The following SRRM2 variants were observed in gnomAD, a reference collection of about 807,000 sequenced individuals.
SRRM2 encodes the protein serine/arginine repetitive matrix protein 2.
In SRRM2, 30 loss-of-function variants were observed where a neutral mutation model predicts 213.8. That is an observed-to-expected ratio of 0.14 (90% CI 0.10 to 0.19). SRRM2 has a LOEUF of 0.19. SRRM2 is among the 10% of genes least tolerant of loss of function. SRRM2 has a pLI of 1.00. For synonymous variants in SRRM2, 2,025 were observed against 1,377.7 expected (o/e 1.47, Z -10.40); for missense variants, 4,904 against 3,647.0 (o/e 1.34, Z -8.88).
chr16:2,758,391 T>C (rs1301589777), intron 4 of SRRM2, 79 bp from the exon 5 acceptor site: 7 of 1,275,356 alleles, frequency 5.5e-6, no homozygotes, highest in African/African-American at 4.5e-5. Context: ...ATTACTATTT[T>C]TTTAGACTCT....
chr16:2,765,766 C>T lies in SRRM2; in HGVS notation c.5238C>T (p.Arg1746=), dbSNP rs538882010. The T allele has an allele frequency of 8.1e-6, 13 of 1,614,134 alleles. No individual in the cohort carries two copies. The African/African-American group carries it at 1.1e-4, about 13-fold the overall frequency. The change falls in exon 11 of 15, where the codon CGC becomes CGT. Residue 1746 remains arginine (R), a synonymous_variant. Transcript: ENST00000301740. ...AEKSRSSRRR[R]SASSPRTKTT... ...AATCGAGGTCTTCACGCCGACGGCG[C>T]TCAGCTTCATCTCCACGCACTAAGA...
chr16:2,759,637 C>T lies in SRRM2; in HGVS notation c.809C>T (p.Ser270Phe), dbSNP rs761463981. 6.2e-7 allele frequency: 1 copy of T among 1,614,044 alleles called. No individual in the cohort carries two copies. Among genetic ancestry groups the T allele is most frequent in the Admixed American group, 1.7e-5 (1 of 60,026 alleles). The change falls in exon 9 of 15, where the codon TCC becomes TTC. Residue 270 changes from serine (S) to phenylalanine (F), a missense_variant. By Grantham distance (155) the Ser-to-Phe change is radical. Coordinates refer to ENST00000301740, the MANE Select transcript of SRRM2 (RefSeq NM_016333.4). ...CGTTCAACTTCTGCTGACTCTGCTT[C>T]CTCCTCCGATACTTCCCGCAGTCGG... ...AHRSTSADSA[S>F]SSDTSRSRSR...
chr16:2,767,416 C>G lies in SRRM2; in HGVS notation c.6888C>G (p.Asn2296Lys), dbSNP rs1419297425. 2.5e-6 allele frequency: 4 copies of G among 1,613,966 alleles called. No homozygotes were observed. The African/African-American group carries it at 5.3e-5, about 22-fold the overall frequency. The change falls in exon 11 of 15, where the codon AAC becomes AAG. Residue 2296 changes from asparagine to lysine, a missense_variant. Asn to Lys is a moderately conservative substitution (Grantham distance 94). Transcript: ENST00000301740. ...DPRTPTAPAV[N>K]LAGARTPAAL... is the part of the protein sequence containing the mutation. ...GCACTCCCACAGCCCCAGCTGTGAA[C>G]CTAGCAGGGGCCAGAACCCCAGCTG...
chr16:2,769,191 C>T lies in SRRM2; in HGVS notation c.7928C>T (p.Ser2643Phe), dbSNP rs1172938627. 4 of 1,610,032 alleles carry T rather than the reference C, an allele frequency of 2.5e-6. No individual in the cohort carries two copies. Among genetic ancestry groups the T allele is most frequent in the East Asian group, 4.5e-5 (2 of 44,876 alleles). ...TCTTCTTCCTCCTCATCTTCCTCCT[C>T]CTCGTCGTCTTCCTCCCCTTCCCCT... is the stretch of plus-strand genomic sequence containing the variant. The part of the protein sequence containing the change: ...SSSSSSSSSS[S>F]SSSSSPSPAK... The change falls in exon 12 of 15, where the codon TCC becomes TTC. Residue 2643 changes from serine (S) to phenylalanine (F), a missense_variant. Coordinates refer to ENST00000301740, the MANE Select transcript of SRRM2 (RefSeq NM_016333.4).
At chr16:2,770,026 T>C (rs1360864691) in intron 12 of SRRM2, 2 of 731,450 alleles carry the variant, frequency 2.7e-6, no homozygotes, top group Non-Finnish European at 4.1e-6. Flanking sequence ...CCTTGCCCCA[T>C]GTCCCCCTCC....
rs759703321 is a variant in SRRM2 at position 2,764,029 on chromosome 16, A to T, written c.3501A>T (p.Lys1167Asn). The T allele has an allele frequency of 6.2e-7, 1 of 1,614,162 alleles. No individual in the cohort carries two copies. The highest frequency in any genetic ancestry group is 2.2e-5 in the East Asian group (1 of 44,886). ...TGGAGACTGCTGAATCAAAAGAGAA[A>T]ATGGCCTTACCCCCTCAGGAGGATG... Reference protein sequence around the residue: ...SRLETAESKEKMALPPQEDAT... With the variant: ...SRLETAESKENMALPPQEDAT... The change falls in exon 11 of 15, where the codon AAA becomes AAT. Residue 1167 changes from lysine (K) to asparagine (N), a missense_variant. Coordinates refer to ENST00000301740, the MANE Select transcript of SRRM2 (RefSeq NM_016333.4).
chr16:2,754,808 G>T (rs987257662), intron 1 of SRRM2, among the ~76,000 whole-genome samples: 3 of 152,124 alleles, frequency 2.0e-5, no homozygotes, highest in Non-Finnish European at 2.9e-5. Context: ...TAGAGAAATT[G>T]ATTTTTTGAG....
chr16:2,753,035 C>CA (rs1249474273), intron 1 of SRRM2, among the ~76,000 whole-genome samples, 189 bp downstream of exon 1: 3 of 24,366 alleles, frequency 1.2e-4, no homozygotes, highest in Admixed American at 7.4e-4. Context: ...GCGCGGGCTT[C>CA]ACCCCCCCCC....
At chr16:2,754,550 A>G (rs1329932759) in intron 1 of SRRM2, among the ~76,000 whole-genome samples, 1 of 152,142 alleles carries the variant, frequency 6.6e-6, no homozygotes, top group Non-Finnish European at 1.5e-5. Flanking sequence ...TCGGCCTCCC[A>G]AAGTGCAGGT....
rs1425419676 is a variant in SRRM2 at position 2,768,104 on chromosome 16, C to T, written c.7576C>T (p.Pro2526Ser). 6.2e-7 allele frequency: 1 copy of T among 1,614,174 alleles called. No individual in the cohort carries two copies. Among genetic ancestry groups the T allele is most frequent in the Non-Finnish European group, 8.5e-7 (1 of 1,180,016 alleles). The change falls in exon 11 of 15, where the codon CCA (proline) becomes TCA (serine). Residue 2526 changes from proline to serine, a missense_variant. Transcript: ENST00000301740. ...GCCTTCTGCATTAGCCGCCCTGCAG[C>T]CAGCAAAGGAGCGGCGGAGTTCCTC... ...QQPSALAALQ[P>S]AKERRSSSSS...
In SRRM2 at chr16:2,765,306, C is replaced by T. The variant is rs773299142; in HGVS notation, c.4778C>T (p.Pro1593Leu). The change falls in exon 11 of 15, where the codon CCT (proline) becomes CTT (leucine). Residue 1593 changes from proline (P) to leucine (L), a missense_variant. Coordinates refer to ENST00000301740, the MANE Select transcript of SRRM2 (RefSeq NM_016333.4). ...GTTGACAGCAAATCTCGACTATCCCCTCGGCGCAGTAGGTCTGGTTCCTCC... is the reference window on the plus strand; with the variant it reads ...GTTGACAGCAAATCTCGACTATCCCTTCGGCGCAGTAGGTCTGGTTCCTCC... ...PEVDSKSRLS[P>L]RRSRSGSSPE... is the part of the protein sequence containing the mutation. 2.5e-5 allele frequency: 40 copies of T among 1,614,172 alleles called. No homozygotes were observed. The highest frequency in any genetic ancestry group is 3.3e-5 in the Non-Finnish European group (39 of 1,180,030).
rs146025030 is a variant in SRRM2, at chr16:2,766,091, C to T, written c.5563C>T (p.Arg1855Cys). 66 of 1,614,036 alleles carry T rather than the reference C, an allele frequency of 4.1e-5. No individual in the cohort carries two copies. The highest frequency in any genetic ancestry group is 5.2e-5 in the Non-Finnish European group (61 of 1,180,044). Residue 1855 changes from arginine to cysteine, a missense_variant, in exon 11 of 15, where the codon CGC (arginine) becomes TGC (cysteine). Transcript: ENST00000301740. The surrounding 1 kb of genome is among the most constrained non-coding windows in gnomAD (Gnocchi z 7.0). Reference protein sequence around the residue: ...PPTSRKRSRSRTSPAPWKRSR... With the variant: ...PPTSRKRSRSCTSPAPWKRSR... ...AACCAGTCGGAAGCGTTCTCGCTCA[C>T]GCACATCACCAGCCCCGTGGAAACG...
chr16:2,759,276 C>A, intron 7 of SRRM2, 76 bp from the exon 8 acceptor site: 1 of 1,606,028 alleles, frequency 6.2e-7, no homozygotes, highest in South Asian at 1.1e-5. Context: ...GTCAACACTC[C>A]CTCTTTCCAT....
rs2068632940 is a variant in SRRM2, at chr16:2,768,810, T to A, written c.7734-187T>A. 5.1e-6 allele frequency: 6 copies of A among 1,186,678 alleles called. No individual in the cohort carries two copies. In the South Asian group the frequency reaches 7.9e-5, roughly 16 times the overall value. The allele number at this position is 1,186,678 out of a possible 1,614,324, so 73.5% of individuals were successfully genotyped here. On this transcript the variant is annotated intron_variant, in intron 11 of 14. Transcript: ENST00000301740. ...TATGCTGCGGGCCCCAGCCTGTTGC[T>A]TCTGTTAGCAGAGGTTGGGTCAGCT... is the stretch of plus-strand genomic sequence containing the variant.
Position 2,764,526 on chromosome 16 carries a change from T to C in SRRM2, c.3998T>C (p.Phe1333Ser). ...AACAGCTTTGGATCACCTTTAGAATTTAGAAACTCAGGCCCACTTGGTACA... is the reference window on the plus strand; with the variant it reads ...AACAGCTTTGGATCACCTTTAGAATCTAGAAACTCAGGCCCACTTGGTACA... The part of the protein sequence containing the change: ...RENSFGSPLE[F>S]RNSGPLGTEM... The change falls in exon 11 of 15, where the codon TTT becomes TCT. Residue 1333 changes from phenylalanine to serine, a missense_variant. Phe to Ser is a radical substitution (Grantham distance 155, BLOSUM62 -2). Coordinates refer to ENST00000301740, the MANE Select transcript of SRRM2 (RefSeq NM_016333.4). The C allele has an allele frequency of 6.2e-7, 1 of 1,614,196 alleles. No homozygotes were observed. The highest frequency in any genetic ancestry group is 1.1e-5 in the South Asian group (1 of 91,078).
Position 2,758,891 on chromosome 16 carries a change from A to G in SRRM2, c.594-94A>G, listed in dbSNP as rs185692465. Reference sequence around the variant, plus strand: ...GGCATTAGTGCTATTAGGACATTCAAGTGTTTTAGAAACCTTTTTAGGAGA... The same window carrying G: ...GGCATTAGTGCTATTAGGACATTCAGGTGTTTTAGAAACCTTTTTAGGAGA... On this transcript the variant is annotated intron_variant, in intron 5 of 14. Coordinates refer to ENST00000301740, the MANE Select transcript of SRRM2 (RefSeq NM_016333.4). The G allele has an allele frequency of 3.5e-5, 49 of 1,390,148 alleles. No individual in the cohort carries two copies. In the East Asian group the frequency reaches 1.1e-3, roughly 30 times the overall value. The allele number at this position is 1,390,148 out of a possible 1,614,324, so 86.1% of individuals were successfully genotyped here. A position where few individuals can be genotyped will look rare whatever the true frequency, so the allele number is the denominator to read the frequency against.
rs1407922452 is a variant in SRRM2, at chr16:2,771,027, GT to G, written c.*162del. ...TTTCCCTCCCCTTTTTTTTTTCTTTGTTCCTGTGAAATGTTAATCTCCGTGA... is the reference window on the plus strand; with the variant it reads ...TTTCCCTCCCCTTTTTTTTTTCTTTGTCCTGTGAAATGTTAATCTCCGTGA... On this transcript the variant is annotated 3_prime_UTR_variant, in exon 15 of 15. Transcript: ENST00000301740. The G allele has an allele frequency of 3.0e-6, 2 of 677,246 alleles. No individual in the cohort carries two copies. The highest frequency in any genetic ancestry group is 4.4e-6 in the Non-Finnish European group (2 of 451,246). 42.0% of individuals were successfully genotyped at this position (677,246 alleles called of 1,614,324 possible). A position where few individuals can be genotyped will look rare whatever the true frequency, so the allele number is the denominator to read the frequency against.
In SRRM2 at chr16:2,762,492, G is replaced by A. The variant is rs764636968; in HGVS notation, c.1964G>A (p.Arg655His). 2.0e-5 allele frequency: 33 copies of A among 1,613,278 alleles called. No individual in the cohort carries two copies. Among genetic ancestry groups the A allele is most frequent in the Non-Finnish European group, 2.1e-5 (25 of 1,179,720 alleles). The change falls in exon 11 of 15, where the codon CGT becomes CAT. Residue 655 changes from arginine to histidine, a missense_variant. Coordinates refer to ENST00000301740, the MANE Select transcript of SRRM2 (RefSeq NM_016333.4). ...TCACGCTCTAGAACCCCAGCTAGAC[G>A]TGGCCGCTCACGCTCCAGAACCCCA... ...GRSRSRTPAR[R>H]GRSRSRTPAR...
Position 2,753,000 on chromosome 16 carries a change from T to TC in SRRM2, c.-32+159dup, listed in dbSNP as rs1331261433. 2.1e-5 allele frequency: 3 copies of TC among 146,004 alleles called. No homozygotes were observed. The East Asian group carries it at 6.1e-4, about 30-fold the overall frequency. The allele number at this position is 146,004 out of a possible 1,614,324, so 9.0% of individuals were successfully genotyped here. On this transcript the variant is annotated intron_variant, in intron 1 of 14. Transcript: ENST00000301740. Reference sequence around the variant, plus strand: ...CTGGCGCGGACGCCCTCGCCTCCCTTCCCCCTTCCCGCCGTTCCTGTCGCG... The same window carrying TC: ...CTGGCGCGGACGCCCTCGCCTCCCTTCCCCCCTTCCCGCCGTTCCTGTCGCG...
Sources: gnomAD v4.1 joint callset for allele counts (sites outside exome capture counted in the v4.1 genomes callset) on GRCh38, gnomAD v4.1.1 for gene constraint, Gnocchi (gnomAD v3.1) non-coding constraint, MANE v1.5 for transcripts, NCBI Gene and HGNC (gene_info 2026-07-23, HGNC 2026-07-21) for gene names.